The following MCC variants were observed in gnomAD, a reference collection of about 807,000 sequenced individuals.
MCC encodes the protein MCC regulator of Wnt signaling pathway, also known as colorectal mutant cancer protein.
A neutral mutation model predicts 116.2 loss-of-function variants in MCC; 90 were observed. That is an observed-to-expected ratio of 0.77 (90% CI 0.65 to 0.92). The LOEUF is 0.92. Ranked by LOEUF, MCC falls within the 40% of genes least tolerant of loss-of-function variation. The probability of loss-of-function intolerance (pLI) is 0.00; values close to 1 mark genes in which losing one functional copy is unlikely to be tolerated. For synonymous variants in MCC, 578 were observed against 510.5 expected (o/e 1.13, Z -1.78); for missense variants, 1,516 against 1,312.2 (o/e 1.16, Z -2.40).
chr5:113,164,274 G>A (rs1449844564), intron 3 of MCC, among the ~76,000 whole-genome samples: 1 of 152,236 alleles, frequency 6.6e-6, no homozygotes, highest in Non-Finnish European at 1.5e-5. Flanking sequence ...CCTGCTCACT[G>A]TTGGATAGCT....
intron 4 of MCC, among the ~76,000 whole-genome samples, chr5:113,144,621 A>G (rs544982344): frequency 3.9e-5 from 6 of 152,346 alleles, no homozygotes; most frequent in African/African-American, 1.4e-4. Flanking sequence ...GCCTAACTCC[A>G]TACTGAAACA....
Position 113,350,988 on chromosome 5 carries a change from T to C in MCC, c.416-10258A>G, listed in dbSNP as rs192440026. ...TGCAAATCAAAACTACAATGAGATA[T>C]CATCTCATCCCAGTTAAAGTGGATT... On this transcript the variant is annotated intron_variant, in intron 2 of 18. Transcript: ENST00000408903. Among the ~76,000 whole-genome samples the C allele has an allele frequency of 1.9e-3, 283 of 152,138 alleles. 1 individual carries two copies. The highest frequency in any genetic ancestry group is 6.2e-3 in the African/African-American group (258 of 41,552).
At chr5:113,033,108 C>G (rs6594656) in intron 17 of MCC, among the ~76,000 whole-genome samples, 34,930 of 152,174 alleles carry the variant, frequency 0.23, 4,374 homozygotes, top group African/African-American at 0.31. Flanking sequence ...CTTTCTTGCA[C>G]AAGATCCAAG....
chr5:113,165,058 C>G (rs1458375951), intron 3 of MCC, among the ~76,000 whole-genome samples: 1 of 152,216 alleles, frequency 6.6e-6, no homozygotes, highest in African/African-American at 2.4e-5. Flanking sequence ...TGCACCCCAC[C>G]CCATCTGCCA....
At chr5:113,474,727 C>G (rs972608787) in intron 1 of MCC, among the ~76,000 whole-genome samples, 1 of 151,870 alleles carries the variant, frequency 6.6e-6, no homozygotes, top group Non-Finnish European at 1.5e-5. Flanking sequence ...CTTAGGAAAC[C>G]AAAAAGGGAG....
Position 113,297,579 on chromosome 5 carries a change from A to G in MCC, c.627+42940T>C, listed in dbSNP as rs191499456. ...GACACCATCTCAAAAAAAAATAATA[A>G]TAATACTAAACTTAGCCAGGCATGG... On this transcript the variant is annotated intron_variant, in intron 3 of 18. Transcript: ENST00000408903. 4.5e-4 allele frequency among the ~76,000 whole-genome samples: 68 copies of G among 151,496 alleles called. 1 individual carries two copies. Among genetic ancestry groups the G allele is most frequent in the South Asian group, 2.1e-4 (1 of 4,774 alleles).
chr5:113,235,643 T>C (rs897566191), intron 3 of MCC, among the ~76,000 whole-genome samples: 27 of 152,240 alleles, frequency 1.8e-4, no homozygotes, highest in African/African-American at 6.3e-4. Flanking sequence ...TGTCCCTTTA[T>C]GATAAAACTA....
intron 3 of MCC, among the ~76,000 whole-genome samples, chr5:113,218,446 G>T (rs964102338): frequency 6.6e-6 from 1 of 152,034 alleles, no homozygotes; most frequent in African/African-American, 2.4e-5. Flanking sequence ...TGACATTACC[G>T]CCCGCTCAAC....
chr5:113,419,632 C>A (rs887843613), intron 1 of MCC, among the ~76,000 whole-genome samples: 1 of 151,726 alleles, frequency 6.6e-6, no homozygotes, highest in Admixed American at 6.6e-5. Context: ...AAATGTCCAA[C>A]AATGATAGAC....
At chr5:113,453,948 T>C (rs1168183278) in intron 1 of MCC, among the ~76,000 whole-genome samples, 1 of 152,044 alleles carries the variant, frequency 6.6e-6, no homozygotes. Context: ...CCATCTCTAC[T>C]AAAAATACAA....
chr5:113,190,302 A>G (rs1762089749), intron 3 of MCC, among the ~76,000 whole-genome samples: 1 of 152,182 alleles, frequency 6.6e-6, no homozygotes, highest in Non-Finnish European at 1.5e-5. Context: ...CCAAGGAACT[A>G]AAAGGTCTAC....
In MCC at chr5:113,122,792, GT is replaced by G; in HGVS notation, c.918del (p.Glu306AspfsTer43). ...TTGACCTCGTGTTGGCTCTGGCTGA[GT>G]TCTGATCGCAGTTCTGAGTACTCAT... ...EEDEYSELRS[E>X]LSQSQHEVNE... On this transcript the variant is annotated frameshift_variant, in exon 6 of 19. Coordinates refer to ENST00000408903, the MANE Select transcript of MCC (RefSeq NM_001085377.2). LOFTEE classifies it high-confidence loss of function. 1.2e-6 allele frequency: 2 copies of G among 1,614,172 alleles called. No individual in the cohort carries two copies. Among genetic ancestry groups the G allele is most frequent in the South Asian group, 2.2e-5 (2 of 91,076 alleles).
At chr5:113,138,619 G>T (rs1359485485) in intron 5 of MCC, among the ~76,000 whole-genome samples, 1 of 152,156 alleles carries the variant, frequency 6.6e-6, no homozygotes, top group Non-Finnish European at 1.5e-5. Flanking sequence ...TCTGTTGTGT[G>T]AGCCACCTTG....
At chr5:113,139,125 T>C (rs544831759) in intron 5 of MCC, among the ~76,000 whole-genome samples, 66 of 152,280 alleles carry the variant, frequency 4.3e-4, no homozygotes, top group African/African-American at 1.6e-3. Flanking sequence ...TATTGTGCCC[T>C]TGTTGACCAA....
rs183549528 is a variant in MCC at position 113,181,973 on chromosome 5, T to G, written c.628-30551A>C. The stretch of plus-strand genomic sequence containing the variant: ...ATTATCTGCTCATCAGCATCACTTG[T>G]TCCTTCCCACAGCTGAGCCAGGCCC... On this transcript the variant is annotated intron_variant, in intron 3 of 18. Coordinates refer to ENST00000408903, the MANE Select transcript of MCC (RefSeq NM_001085377.2). 2.4e-4 allele frequency among the ~76,000 whole-genome samples: 36 copies of G among 152,214 alleles called. 1 individual carries two copies. The South Asian group carries it at 4.2e-3, about 18-fold the overall frequency.
intron 3 of MCC, among the ~76,000 whole-genome samples, chr5:113,208,643 T>C (rs1763003906): frequency 6.6e-6 from 1 of 152,180 alleles, no homozygotes; most frequent in Admixed American, 6.5e-5. Context: ...GTTGCTATGA[T>C]GCCAAAATAG....
chr5:113,422,133 C>G (rs1770356073), intron 1 of MCC, among the ~76,000 whole-genome samples: 1 of 152,136 alleles, frequency 6.6e-6, no homozygotes, highest in African/African-American at 2.4e-5. Flanking sequence ...GGAGAAAAAG[C>G]CTTGATTTGG....
At chr5:113,481,182 T>G (rs1580430015) in intron 1 of MCC, among the ~76,000 whole-genome samples, 1 of 152,210 alleles carries the variant, frequency 6.6e-6, no homozygotes, top group African/African-American at 2.4e-5. Context: ...CTATTTCCCT[T>G]TTTATATATG....
intron 18 of MCC, among the ~76,000 whole-genome samples, chr5:113,027,869 TC>T (rs1314968313): frequency 6.6e-6 from 1 of 152,186 alleles, no homozygotes; most frequent in East Asian, 1.9e-4. Flanking sequence ...AGGAGAGTAC[TC>T]CTAAGGCACT....
Sources: gnomAD v4.1 joint callset for allele counts (sites outside exome capture counted in the v4.1 genomes callset) on GRCh38, gnomAD v4.1.1 for gene constraint, MANE v1.5 for transcripts, NCBI Gene and HGNC (gene_info 2026-07-23, HGNC 2026-07-21) for gene names.